CRIM1: variants seen among roughly 807,000 people sequenced by gnomAD.
The protein encoded by CRIM1 is cysteine rich transmembrane BMP regulator 1, also known as cysteine-rich motor neuron 1 protein.
Under a neutral mutation model 116.4 loss-of-function variants are expected in CRIM1, and 32 were observed. The ratio of observed to expected loss-of-function variants is 0.27; its 90% CI spans 0.21 to 0.37. The LOEUF (loss-of-function observed/expected upper bound fraction) is 0.37. CRIM1 is among the 10% of genes least tolerant of loss of function. The pLI, the probability that CRIM1 is intolerant of heterozygous loss-of-function variation, is 1.00. For missense variants in CRIM1, 1,331 were observed against 1,354.8 expected, an observed-to-expected ratio of 0.98 and a Z score of 0.28; for synonymous variants, 590 against 509.2, an observed-to-expected ratio of 1.16 and a Z score of -2.13.
At chr2:36,368,264 A>G (rs1041100501) in intron 1 of CRIM1, among the ~76,000 whole-genome samples, 2 of 152,206 alleles carry the variant, frequency 1.3e-5, no homozygotes, top group African/African-American at 2.4e-5. Context: ...CTGCAGAGGG[A>G]CATGCTGCAC....
intron 14 of CRIM1, among the ~76,000 whole-genome samples, chr2:36,540,093 AAGAGGGTCAGTGACAT>A (rs1323361870): frequency 2.6e-5 from 4 of 152,174 alleles, no homozygotes; most frequent in Non-Finnish European, 5.9e-5. Context: ...GGAAGAAGCC[AAGAGGGTCAGTGACAT>A]GGAAACCAGG....
rs1033781892 is a variant in CRIM1, at chr2:36,544,353, G to C, written c.2624-23G>C. On this transcript the variant is annotated intron_variant, in intron 14 of 16. Transcript: ENST00000280527. ...AATACAGCAGCTTCATCATCTCTTA[G>C]GAAAAATGTTCCCTTCTTTTAGAAA... 3.0e-6 allele frequency: 4 copies of C among 1,332,600 alleles called. No homozygotes were observed. In the African/African-American group the frequency reaches 6.0e-5, roughly 20 times the overall value. 82.5% of individuals were successfully genotyped at this position (1,332,600 alleles called of 1,614,324 possible).
chr2:36,479,025 G>A (rs955640336), intron 6 of CRIM1, among the ~76,000 whole-genome samples: 1 of 152,112 alleles, frequency 6.6e-6, no homozygotes. Context: ...TGCCCACATG[G>A]TCGTGCAGGT....
intron 4 of CRIM1, among the ~76,000 whole-genome samples, chr2:36,461,185 G>A (rs1325859597): frequency 1.3e-5 from 2 of 152,198 alleles, no homozygotes; most frequent in African/African-American, 4.8e-5. Flanking sequence ...GGGAGAGACA[G>A]AGACGTGGGC....
At chr2:36,539,572 A>G (rs1260651395) in intron 14 of CRIM1, among the ~76,000 whole-genome samples, 1 of 152,174 alleles carries the variant, frequency 6.6e-6, no homozygotes, top group Non-Finnish European at 1.5e-5. Flanking sequence ...TGGGGCATGG[A>G]GGTCAATAGT....
chr2:36,404,358 G>T (rs1297915725), intron 2 of CRIM1, among the ~76,000 whole-genome samples: 1 of 152,126 alleles, frequency 6.6e-6, no homozygotes, highest in African/African-American at 2.4e-5. Context: ...CTGGAATTAG[G>T]GCTAGTTCAG....
intron 1 of CRIM1, among the ~76,000 whole-genome samples, chr2:36,395,986 C>T (rs1223995135): frequency 1.3e-5 from 2 of 152,260 alleles, no homozygotes; most frequent in African/African-American, 2.4e-5. Context: ...AATGCAGTGG[C>T]GTGATCAACC....
chr2:36,476,821 G>GA lies in CRIM1; in HGVS notation c.992-63dup, dbSNP rs1258262393. ...ATTAGAAATTTTCTAGAGGCTGTTT[G>GA]AAAAACATCAAAGGACACAACTAAA... On this transcript the variant is annotated intron_variant, in intron 5 of 16. Coordinates refer to ENST00000280527, the MANE Select transcript of CRIM1 (RefSeq NM_016441.3). 9 of 1,364,806 alleles carry GA rather than the reference G, an allele frequency of 6.6e-6. No homozygotes were observed. In the East Asian group the frequency reaches 1.9e-4, roughly 29 times the overall value. The allele number at this position is 1,364,806 out of a possible 1,614,324, so 84.5% of individuals were successfully genotyped here.
At chr2:36,431,155 T>A (rs1031256637) in intron 2 of CRIM1, among the ~76,000 whole-genome samples, 10 of 152,172 alleles carry the variant, frequency 6.6e-5, no homozygotes, top group African/African-American at 2.4e-4. Flanking sequence ...AGTGATTACA[T>A]CTGTGCCTTG....
chr2:36,517,971 T>A (rs1665140545), intron 12 of CRIM1, among the ~76,000 whole-genome samples: 1 of 152,198 alleles, frequency 6.6e-6, no homozygotes, highest in Non-Finnish European at 1.5e-5. Context: ...TTCTTTGAAA[T>A]ATAAGGGTGG....
intron 1 of CRIM1, among the ~76,000 whole-genome samples, chr2:36,371,616 G>A (rs1300091679): frequency 1.3e-5 from 2 of 152,198 alleles, no homozygotes; most frequent in African/African-American, 4.8e-5. Flanking sequence ...ATCAGTCTTA[G>A]AATTTTTTGT....
rs572895658 is a variant in CRIM1 at position 36,405,863 on chromosome 2, A to G, written c.505+9076A>G. ...AAGTAAATGTTAAATTAAAAATGAA[A>G]TATTTCATATTATACAGGACCTCAT... is the stretch of plus-strand genomic sequence containing the variant. On this transcript the variant is annotated intron_variant, in intron 2 of 16. Coordinates refer to ENST00000280527, the MANE Select transcript of CRIM1 (RefSeq NM_016441.3). 2.0e-5 allele frequency among the ~76,000 whole-genome samples: 3 copies of G among 152,374 alleles called. No individual in the cohort carries two copies. In the South Asian group the frequency reaches 6.2e-4, roughly 32 times the overall value.
Position 36,441,310 on chromosome 2 carries a change from T to C in CRIM1, c.558T>C (p.Arg186=). Residue 186 remains arginine, a synonymous_variant, in exon 3 of 17, where the codon CGT becomes CGC. Transcript: ENST00000280527. ...GCTGTGAAGTCCAGTTCTCTCCACG[T>C]TGTCCTGAAGATTCTGTTCTGATCG... ...KARCEVQFSP[R]CPEDSVLIEG... 1.2e-6 allele frequency: 2 copies of C among 1,614,194 alleles called. No homozygotes were observed. Among genetic ancestry groups the C allele is most frequent in the Non-Finnish European group, 1.7e-6 (2 of 1,180,026 alleles).
chr2:36,416,914 A>C (rs759198889), intron 2 of CRIM1, among the ~76,000 whole-genome samples: 29 of 152,212 alleles, frequency 1.9e-4, no homozygotes, highest in Non-Finnish European at 3.4e-4. Flanking sequence ...CCAGCTGTGC[A>C]GCTGAAGCCA....
At chr2:36,368,736 T>C (rs1669757825) in intron 1 of CRIM1, among the ~76,000 whole-genome samples, 1 of 152,236 alleles carries the variant, frequency 6.6e-6, no homozygotes, top group Non-Finnish European at 1.5e-5. Context: ...CTCTCTTCCA[T>C]GATTCTCACT....
At chr2:36,376,330 T>A (rs1002177225) in intron 1 of CRIM1, among the ~76,000 whole-genome samples, 3 of 152,256 alleles carry the variant, frequency 2.0e-5, no homozygotes, top group Admixed American at 1.3e-4. Flanking sequence ...TCTTCCTTGC[T>A]CTACAGTAGA....
chr2:36,539,799 A>G (rs551113024), intron 14 of CRIM1, among the ~76,000 whole-genome samples: 3 of 152,290 alleles, frequency 2.0e-5, no homozygotes, highest in African/African-American at 7.2e-5. Context: ...TTTAGCTTGA[A>G]ATAGTCATTC....
At chr2:36,458,311 T>C (rs1677303650) in intron 4 of CRIM1, among the ~76,000 whole-genome samples, 1 of 151,886 alleles carries the variant, frequency 6.6e-6, no homozygotes, top group South Asian at 2.1e-4. Flanking sequence ...GAGGCAGAGG[T>C]TGAGGGGCAT....
At chr2:36,450,596 C>G (rs1331880931) in intron 4 of CRIM1, among the ~76,000 whole-genome samples, 2 of 152,058 alleles carry the variant, frequency 1.3e-5, no homozygotes, top group Non-Finnish European at 2.9e-5. Flanking sequence ...AAACATTGAC[C>G]TTAGAAGGCA....
Sources: allele counts gnomAD v4.1 joint callset (sites outside exome capture counted in the v4.1 genomes callset), GRCh38; gene constraint gnomAD v4.1.1; transcripts MANE v1.5; gene names NCBI Gene and HGNC (gene_info 2026-07-23, HGNC 2026-07-21).